MCTP2: variants seen among roughly 807,000 people sequenced by gnomAD.
MCTP2 encodes multiple C2 and transmembrane domain-containing protein 2.
Under a neutral mutation model 111.6 loss-of-function variants are expected in MCTP2, and 132 were observed. The observed-to-expected ratio is 1.18, with a 90% CI of 1.03 to 1.37. The LOEUF (loss-of-function observed/expected upper bound fraction) is 1.37. MCTP2 is among the 40% of genes most tolerant of loss of function. The pLI, the probability that MCTP2 is intolerant of heterozygous loss-of-function variation, is 0.00. For missense variants in MCTP2, 1,183 were observed against 1,067.9 expected, an observed-to-expected ratio of 1.11 and a Z score of -1.50; for synonymous variants, 395 against 387.7, an observed-to-expected ratio of 1.02 and a Z score of -0.22.
At chr15:94,448,376 A>C (rs1401265776) in intron 19 of MCTP2, among the ~76,000 whole-genome samples, 1 of 152,236 alleles carries the variant, frequency 6.6e-6, no homozygotes, top group African/African-American at 2.4e-5. Flanking sequence ...AGACTCAATT[A>C]GATGAATTAC....
intron 10 of MCTP2, among the ~76,000 whole-genome samples, chr15:94,367,110 C>T (rs568581379): frequency 2.8e-4 from 42 of 152,240 alleles, no homozygotes; most frequent in Non-Finnish European, 5.1e-4. Flanking sequence ...AATAAAAATT[C>T]GCCAGTTGGC....
At chr15:94,359,207 A>G (rs2078788737) in intron 10 of MCTP2, among the ~76,000 whole-genome samples, 1 of 152,208 alleles carries the variant, frequency 6.6e-6, no homozygotes, top group Non-Finnish European at 1.5e-5. Flanking sequence ...ACAGTAAGCA[A>G]AAAGGAGATG....
intron 21 of MCTP2, among the ~76,000 whole-genome samples, chr15:94,471,665 G>T (rs2073939480): frequency 6.7e-6 from 1 of 149,726 alleles, no homozygotes; most frequent in Admixed American, 6.7e-5. Context: ...GTTCTTGTTG[G>T]TATTTTTTGT....
At chr15:94,284,772 T>C (rs2074671102) in intron 1 of MCTP2, among the ~76,000 whole-genome samples, 1 of 152,194 alleles carries the variant, frequency 6.6e-6, no homozygotes, top group African/African-American at 2.4e-5. Flanking sequence ...GTGCTAAGAA[T>C]CTTTGGAGCT....
At chr15:94,412,481 A>G (rs1265224523) in intron 17 of MCTP2, among the ~76,000 whole-genome samples, 2 of 152,140 alleles carry the variant, frequency 1.3e-5, no homozygotes, top group Non-Finnish European at 2.9e-5. Flanking sequence ...TGTTGTGTCC[A>G]TGGTGATGAG....
intron 10 of MCTP2, among the ~76,000 whole-genome samples, chr15:94,366,934 G>T (rs1383533223): frequency 6.6e-6 from 1 of 152,202 alleles, no homozygotes; most frequent in East Asian, 1.9e-4. Flanking sequence ...CTGTTAAGAG[G>T]CGGAAAACAT....
intron 10 of MCTP2, among the ~76,000 whole-genome samples, chr15:94,364,577 A>T (rs1307266265): frequency 6.6e-6 from 1 of 152,230 alleles, no homozygotes; most frequent in Non-Finnish European, 1.5e-5. Flanking sequence ...TACGTCTTAA[A>T]GACTTTAAAT....
At chr15:94,338,365 G>T (rs959191583) in intron 4 of MCTP2, among the ~76,000 whole-genome samples, 1 of 151,984 alleles carries the variant, frequency 6.6e-6, no homozygotes, top group Non-Finnish European at 1.5e-5. Context: ...TCATTCATTT[G>T]TGCCTCCTCC....
chr15:94,331,890 C>A (rs1005629552), intron 4 of MCTP2, among the ~76,000 whole-genome samples: 8 of 152,044 alleles, frequency 5.3e-5, no homozygotes, highest in African/African-American at 1.9e-4. Flanking sequence ...GACAGGAAGG[C>A]CAGTAGAAGA....
intron 21 of MCTP2, among the ~76,000 whole-genome samples, chr15:94,475,481 CA>C (rs1367050075): frequency 6.6e-6 from 1 of 152,096 alleles, no homozygotes; most frequent in Non-Finnish European, 1.5e-5. Flanking sequence ...TGAACAACAA[CA>C]AAAAAATCAA....
chr15:94,361,084 G>GGT (rs2078909180), intron 10 of MCTP2, among the ~76,000 whole-genome samples: 2 of 8,400 alleles, frequency 2.4e-4, no homozygotes, highest in African/African-American at 3.1e-4. Flanking sequence ...AATATTTCAA[G>GGT]TTTTTTTTTT....
chr15:94,456,085 A>C (rs571200456), intron 19 of MCTP2, among the ~76,000 whole-genome samples: 3 of 152,344 alleles, frequency 2.0e-5, no homozygotes, highest in Admixed American at 6.5e-5. Flanking sequence ...CCAAGTTATC[A>C]GTCATCAATA....
At chr15:94,248,671 C>T (rs901259552) in intron 1 of MCTP2, among the ~76,000 whole-genome samples, 3 of 151,978 alleles carry the variant, frequency 2.0e-5, no homozygotes, top group African/African-American at 7.3e-5. Context: ...TTAGAGCTTC[C>T]TCTACTTTAA....
chr15:94,472,616 G>T (rs12440693), intron 21 of MCTP2, among the ~76,000 whole-genome samples: 18,306 of 152,034 alleles, frequency 0.12, 1,227 homozygotes, highest in East Asian at 0.18. Context: ...TGCTCTCTTG[G>T]GCTGTCAGTA....
chr15:94,471,273 A>G (rs564203957), intron 21 of MCTP2, among the ~76,000 whole-genome samples: 2 of 152,166 alleles, frequency 1.3e-5, no homozygotes, highest in African/African-American at 4.8e-5. Context: ...TGAATTCTCA[A>G]TGCTCGTCAC....
At chr15:94,465,922 ATCTATGTTCCACATC>A (rs1451092104) in intron 20 of MCTP2, among the ~76,000 whole-genome samples, 1 of 151,934 alleles carries the variant, frequency 6.6e-6, no homozygotes, top group African/African-American at 2.4e-5. Flanking sequence ...AACCTTCTTA[ATCTATGTTCCACATC>A]TCTTTGATAT....
intron 19 of MCTP2, among the ~76,000 whole-genome samples, chr15:94,448,122 G>A (rs915916555): frequency 6.6e-6 from 1 of 152,132 alleles, no homozygotes; most frequent in East Asian, 1.9e-4. Flanking sequence ...CCTGTAGTCC[G>A]CTGGCAAATC....
rs79774289 is a variant in MCTP2 at position 94,403,091 on chromosome 15, C to T, written c.2085+1072C>T. On this transcript the variant is annotated intron_variant, in intron 17 of 22. Coordinates refer to ENST00000357742, the MANE Select transcript of MCTP2 (RefSeq NM_001385001.1). ...ATATCAGCTCCAAAAGAGGCTTTTC[C>T]TTTGCCATTGGGGGGTATTTTGTTT... 30 of 986,608 alleles carry T rather than the reference C, an allele frequency of 3.0e-5. No individual in the cohort carries two copies. In the African/African-American group the frequency reaches 4.7e-4, roughly 15 times the overall value. 61.1% of individuals were successfully genotyped at this position (986,608 alleles called of 1,614,324 possible). A position where few individuals can be genotyped will look rare whatever the true frequency, so the allele number is the denominator to read the frequency against.
At chr15:94,369,003 A>G (rs996359995) in intron 11 of MCTP2, among the ~76,000 whole-genome samples, 1 of 152,228 alleles carries the variant, frequency 6.6e-6, no homozygotes, top group Non-Finnish European at 1.5e-5. Flanking sequence ...TCAAAGCACA[A>G]GTTACAGCCC....
Sources: allele counts gnomAD v4.1 joint callset (sites outside exome capture counted in the v4.1 genomes callset), GRCh38; gene constraint gnomAD v4.1.1; transcripts MANE v1.5; gene names NCBI Gene and HGNC (gene_info 2026-07-23, HGNC 2026-07-21).